NCOR1: variants seen among roughly 807,000 people sequenced by gnomAD.
NCOR1 encodes the protein nuclear receptor corepressor 1.
NCOR1 carries 63 observed loss-of-function variants against 288.1 expected under a neutral mutation model. That is an observed-to-expected ratio of 0.22 (90% CI 0.18 to 0.27). The LOEUF is 0.27. NCOR1 is among the 10% of genes least tolerant of loss of function. The pLI, the probability that NCOR1 is intolerant of heterozygous loss-of-function variation, is 1.00. For missense variants in NCOR1, 2,397 were observed against 3,019.2 expected (o/e 0.79, Z 4.83); for synonymous variants, 1,007 against 1,065.9 (o/e 0.94, Z 1.08).
chr17:16,177,716 C>T (rs1056391458), intron 3 of NCOR1, among the ~76,000 whole-genome samples: 1 of 152,142 alleles, frequency 6.6e-6, no homozygotes, highest in Non-Finnish European at 1.5e-5. Flanking sequence ...GGTTCTGGCT[C>T]ATCACTTTAC....
At chr17:16,130,774 C>T (rs2075478489) in intron 14 of NCOR1, among the ~76,000 whole-genome samples, 1 of 152,096 alleles carries the variant, frequency 6.6e-6, no homozygotes, top group Non-Finnish European at 1.5e-5. Context: ...ACCTATGCCT[C>T]CCAGGCTCAA....
At chr17:16,189,205 C>A (rs2087523078) in intron 2 of NCOR1, among the ~76,000 whole-genome samples, 1 of 152,010 alleles carries the variant, frequency 6.6e-6, no homozygotes, top group African/African-American at 2.4e-5. Flanking sequence ...ACAAACCTGG[C>A]CAACTTGGCG....
intron 31 of NCOR1, chr17:16,068,366 A>C: frequency 2.1e-6 from 1 of 470,396 alleles, no homozygotes; most frequent in South Asian, 2.3e-5. Flanking sequence ...CCAGTATTTT[A>C]CCACCTTATG....
chr17:16,073,390 A>T (rs1237456740), intron 28 of NCOR1, 39 bp downstream of exon 28: 1 of 1,513,712 alleles, frequency 6.6e-7, no homozygotes, highest in East Asian at 2.4e-5. Context: ...TATATAAAAT[A>T]ACATGTATCA....
intron 42 of NCOR1, among the ~76,000 whole-genome samples, chr17:16,043,504 T>G (rs1394235520): frequency 1.3e-5 from 2 of 152,234 alleles, no homozygotes; most frequent in African/African-American, 2.4e-5. Context: ...ATCATACAGC[T>G]TCAGAGAATA....
intron 1 of NCOR1, among the ~76,000 whole-genome samples, chr17:16,211,041 T>C (rs539419076): frequency 1.3e-5 from 2 of 152,208 alleles, no homozygotes; most frequent in East Asian, 3.9e-4. Flanking sequence ...GATTTTTAAG[T>C]GTCAATCATC....
chr17:16,110,093 G>A (rs1476246803), intron 18 of NCOR1, among the ~76,000 whole-genome samples: 2 of 152,176 alleles, frequency 1.3e-5, no homozygotes, highest in African/African-American at 4.8e-5. Context: ...AGGAGCTCAT[G>A]TCTATAATCC....
chr17:16,032,549 T>C (rs763534288), intron 45 of NCOR1, 66 bp from the exon 46 acceptor site: 3 of 1,430,964 alleles, frequency 2.1e-6, no homozygotes, highest in South Asian at 2.8e-5. Context: ...AATCCAACTT[T>C]TGTAGGATGG....
chr17:16,055,771 A>G (rs1286486906), intron 40 of NCOR1, among the ~76,000 whole-genome samples: 2 of 152,224 alleles, frequency 1.3e-5, no homozygotes, highest in Non-Finnish European at 2.9e-5. Flanking sequence ...GACCATGACA[A>G]TGCTATATAG....
At chr17:16,209,449 T>C (rs2091908179) in intron 1 of NCOR1, among the ~76,000 whole-genome samples, 1 of 152,042 alleles carries the variant, frequency 6.6e-6, no homozygotes, top group Admixed American at 6.6e-5. Context: ...AGGCCAGGCA[T>C]GGTAGCTCAT....
Position 16,196,300 on chromosome 17 carries a change from T to TA in NCOR1, c.-70-1662dup, listed in dbSNP as rs569721159. 2.2e-3 allele frequency among the ~76,000 whole-genome samples: 335 copies of TA among 152,132 alleles called. 1 individual carries two copies. The highest frequency in any genetic ancestry group is 3.4e-3 in the Non-Finnish European group (234 of 67,986). ...ACAACTTGATCAATTTCCCAGTTTTTATCAATATATTCTTTATCCAGTTAG... is the reference window on the plus strand; with the variant it reads ...ACAACTTGATCAATTTCCCAGTTTTTAATCAATATATTCTTTATCCAGTTAG... On this transcript the variant is annotated intron_variant, in intron 1 of 45. Coordinates refer to ENST00000268712, the MANE Select transcript of NCOR1 (RefSeq NM_006311.4).
intron 20 of NCOR1, among the ~76,000 whole-genome samples, chr17:16,099,557 C>T (rs1285426556): frequency 1.3e-5 from 2 of 152,152 alleles, no homozygotes; most frequent in Non-Finnish European, 2.9e-5. Context: ...CTATCATGTT[C>T]ATCTCTTAGG....
rs113458225 is a variant in NCOR1 at position 16,070,206 on chromosome 17, G to C, written c.4472C>G (p.Thr1491Ser). The C allele has an allele frequency of 1.2e-6, 2 of 1,613,596 alleles. No homozygotes were observed. The change falls in exon 31 of 46, where the codon ACC becomes AGC. Residue 1491 changes from threonine to serine, a missense_variant. Physicochemically the swap from Thr to Ser is moderately conservative, Grantham distance 58 (BLOSUM62 1). Coordinates refer to ENST00000268712, the MANE Select transcript of NCOR1 (RefSeq NM_006311.4). ...ARRTPVSYQN[T>S]MSRGSPMMNR... The stretch of plus-strand genomic sequence containing the variant: ...CATCATGGGTGAGCCTCTGGACATG[G>C]TGTTTTGATAACTCACAGGGGTCCT...
chr17:16,077,621 AAGGG>A (rs980047999), intron 26 of NCOR1, among the ~76,000 whole-genome samples: 4 of 146,026 alleles, frequency 2.7e-5, no homozygotes, highest in Non-Finnish European at 6.0e-5. Context: ...GGAAGGGAGG[AAGGG>A]AGGAAGGGAA....
rs114659671 is a variant in NCOR1 at position 16,090,621 on chromosome 17, T to C, written c.3016+1242A>G. On this transcript the variant is annotated intron_variant, in intron 22 of 45. Coordinates refer to ENST00000268712, the MANE Select transcript of NCOR1 (RefSeq NM_006311.4). Reference sequence around the variant, plus strand: ...AAAGTTATCAATATTTCTACCTTCATTCAAGGAAATATTCATTTAGCGCCT... The same window carrying C: ...AAAGTTATCAATATTTCTACCTTCACTCAAGGAAATATTCATTTAGCGCCT... Among the ~76,000 whole-genome samples, 632 of 152,306 alleles carry C rather than the reference T, an allele frequency of 4.1e-3. 7 individuals are homozygous for C. The highest frequency in any genetic ancestry group is 0.015 in the African/African-American group (610 of 41,580).
chr17:16,048,553 G>A (rs1426198197), intron 41 of NCOR1, among the ~76,000 whole-genome samples: 1 of 151,740 alleles, frequency 6.6e-6, no homozygotes. Flanking sequence ...CTGAATCAAT[G>A]GATGACCCTT....
Position 16,072,214 on chromosome 17 carries a change from C to T in NCOR1, c.3826G>A (p.Ala1276Thr). 6.2e-7 allele frequency: 1 copy of T among 1,610,970 alleles called. No individual in the cohort carries two copies. Among genetic ancestry groups the T allele is most frequent in the Non-Finnish European group, 8.5e-7 (1 of 1,178,326 alleles). ...GAATGAGGACTCCCCCTGGGTAATGCTCGGCATATCAGCCCTTCCAAAACA... is the reference window on the plus strand; with the variant it reads ...GAATGAGGACTCCCCCTGGGTAATGTTCGGCATATCAGCCCTTCCAAAACA... The part of the protein sequence containing the change: ...SAPLEGLICR[A>T]LPRGSPHSDL... Residue 1276 changes from alanine to threonine, a missense_variant, in exon 29 of 46, where the codon GCA (alanine) becomes ACA (threonine). Transcript: ENST00000268712.
intron 22 of NCOR1, among the ~76,000 whole-genome samples, chr17:16,087,780 G>A (rs1027612656): frequency 1.3e-5 from 2 of 152,156 alleles, no homozygotes; most frequent in African/African-American, 4.8e-5. Context: ...TTAAGAAATG[G>A]AAGAAGCCTT....
intron 31 of NCOR1, among the ~76,000 whole-genome samples, chr17:16,069,627 T>A (rs899221591): frequency 2.0e-5 from 3 of 152,208 alleles, no homozygotes; most frequent in African/African-American, 7.2e-5. Flanking sequence ...GAGCCCTTCG[T>A]AAATACTCGG....
Sources: allele counts gnomAD v4.1 joint callset (sites outside exome capture counted in the v4.1 genomes callset), GRCh38; gene constraint gnomAD v4.1.1; transcripts MANE v1.5; gene names NCBI Gene and HGNC (gene_info 2026-07-23, HGNC 2026-07-21).